XIRP2: variants seen among roughly 807,000 people sequenced by gnomAD.
XIRP2 encodes xin actin-binding repeat-containing protein 2.
Under a neutral mutation model 277.0 loss-of-function variants are expected in XIRP2, and 236 were observed. That is an observed-to-expected ratio of 0.85 (90% CI 0.77 to 0.95). The LOEUF is 0.95. Among genes scored for constraint, XIRP2 ranks in the 40% least tolerant of loss-of-function variants. The pLI is 0.00. For missense variants in XIRP2, 4,640 were observed against 4,157.5 expected, an observed-to-expected ratio of 1.12 and a Z score of -3.19; for synonymous variants, 1,490 against 1,416.5, an observed-to-expected ratio of 1.05 and a Z score of -1.17.
chr2:166,943,002 A>T (rs1185747290), intron 2 of XIRP2, among the ~76,000 whole-genome samples: 4 of 152,284 alleles, frequency 2.6e-5, no homozygotes, highest in Non-Finnish European at 4.4e-5. Flanking sequence ...ATAAAATTAA[A>T]TCCCACTTTC....
In XIRP2 at chr2:167,045,674, C is replaced by G. The variant is rs143290204; in HGVS notation, c.409-90235C>G. ...ATCATTAGAGAAATGCAAATCAAAA[C>G]CACAATGAGATACCATCCCACACCA... On this transcript the variant is annotated intron_variant, in intron 2 of 10. Coordinates refer to ENST00000409195, the MANE Select transcript of XIRP2 (RefSeq NM_152381.6). Among the ~76,000 whole-genome samples the G allele has an allele frequency of 1.6e-4, 25 of 152,122 alleles. No individual in the cohort carries two copies. In the East Asian group the frequency reaches 4.8e-3, roughly 29 times the overall value.
At chr2:167,025,978 G>A (rs181069891) in intron 2 of XIRP2, among the ~76,000 whole-genome samples, 275 of 152,114 alleles carry the variant, frequency 1.8e-3, no homozygotes, top group Non-Finnish European at 2.1e-3. Flanking sequence ...GGTCTGCTTG[G>A]TGCAAAACTG....
intron 2 of XIRP2, among the ~76,000 whole-genome samples, chr2:166,986,936 A>G (rs989667291): frequency 6.6e-6 from 1 of 152,220 alleles, no homozygotes; most frequent in Non-Finnish European, 1.5e-5. Context: ...GAAATATATT[A>G]TCCAAAATAC....
At position 167,251,401 on chromosome 2, in the gene XIRP2, T is replaced by C. The variant is rs1438657892; in HGVS notation, c.10009T>C (p.Phe3337Leu). The change falls in exon 9 of 11, where the codon TTC (phenylalanine) becomes CTC (leucine). Residue 3337 changes from phenylalanine to leucine, a missense_variant. Physicochemically the swap from Phe to Leu is conservative, Grantham distance 22. Coordinates refer to ENST00000409195, the MANE Select transcript of XIRP2 (RefSeq NM_152381.6). ...CCCTGAAAATGAAATAAACAGATGG[T>C]TCAGGGAATTTGAGCATGGCCCAGT... Reference protein sequence around the residue: ...NDPENEINRWFREFEHGPVSE... With the variant: ...NDPENEINRWLREFEHGPVSE... The C allele has an allele frequency of 1.8e-5, 29 of 1,613,434 alleles. No individual in the cohort carries two copies. The highest frequency in any genetic ancestry group is 2.5e-5 in the Non-Finnish European group (29 of 1,179,658).
chr2:167,170,908 T>C (rs1414382420), intron 3 of XIRP2, among the ~76,000 whole-genome samples: 2 of 145,240 alleles, frequency 1.4e-5, no homozygotes, highest in Non-Finnish European at 3.0e-5. Context: ...TTTTTTTTTT[T>C]TTTTTTTTTG....
chr2:167,115,660 C>CT (rs1402653717), intron 2 of XIRP2, among the ~76,000 whole-genome samples: 1 of 152,074 alleles, frequency 6.6e-6, no homozygotes, highest in Non-Finnish European at 1.5e-5. Flanking sequence ...TCTCACATTG[C>CT]TTTTTTTGGA....
chr2:167,201,933 T>A (rs115206594), intron 3 of XIRP2, among the ~76,000 whole-genome samples: 1,590 of 152,290 alleles, frequency 0.01, 27 homozygotes, highest in African/African-American at 0.037. Context: ...TTCAGCTACT[T>A]GCTATATGAT....
intron 2 of XIRP2, among the ~76,000 whole-genome samples, chr2:166,934,414 G>T (rs956949166): frequency 1.3e-5 from 2 of 152,040 alleles, no homozygotes; most frequent in African/African-American, 2.4e-5. Context: ...GGGAACTTTG[G>T]ACATGGCTCT....
At chr2:166,910,027 A>G (rs188644039) in intron 2 of XIRP2, among the ~76,000 whole-genome samples, 2 of 152,282 alleles carry the variant, frequency 1.3e-5, no homozygotes, top group African/African-American at 4.8e-5. Context: ...TATTTTACTG[A>G]GGATTTAGGC....
At chr2:167,037,250 A>G (rs949687877) in intron 2 of XIRP2, among the ~76,000 whole-genome samples, 2 of 152,178 alleles carry the variant, frequency 1.3e-5, no homozygotes, top group East Asian at 3.9e-4. Flanking sequence ...GCTGCAGAGT[A>G]CACATTCTTC....
chr2:167,070,525 T>C (rs1689411313), intron 2 of XIRP2, among the ~76,000 whole-genome samples: 1 of 152,212 alleles, frequency 6.6e-6, no homozygotes, highest in Non-Finnish European at 1.5e-5. Context: ...ATTTTTCATG[T>C]ATTGTAAATT....
At chr2:166,912,620 T>C (rs1684741843) in intron 2 of XIRP2, among the ~76,000 whole-genome samples, 1 of 152,212 alleles carries the variant, frequency 6.6e-6, no homozygotes, top group Non-Finnish European at 1.5e-5. Flanking sequence ...TCAAATTCAT[T>C]CTCCATCCAG....
chr2:167,164,241 C>T (rs1013066152), intron 3 of XIRP2, among the ~76,000 whole-genome samples: 1 of 151,680 alleles, frequency 6.6e-6, no homozygotes, highest in Non-Finnish European at 1.5e-5. Flanking sequence ...GAGGTCGAGA[C>T]CATCCTGGCT....
chr2:166,892,893 T>A (rs903341365), intron 1 of XIRP2, among the ~76,000 whole-genome samples: 2 of 148,784 alleles, frequency 1.3e-5, no homozygotes, highest in African/African-American at 2.5e-5. Context: ...TGTATATATG[T>A]GTATATATGT....
intron 3 of XIRP2, among the ~76,000 whole-genome samples, chr2:167,142,026 C>T (rs1018295443): frequency 3.3e-5 from 5 of 152,202 alleles, no homozygotes; most frequent in East Asian, 1.9e-4. Context: ...GGAAACATAC[C>T]GCAGTAAAAT....
chr2:167,022,000 T>G (rs933772268), intron 2 of XIRP2, among the ~76,000 whole-genome samples: 3 of 152,108 alleles, frequency 2.0e-5, no homozygotes, highest in African/African-American at 7.2e-5. Context: ...AAAGTAAAGA[T>G]TAAACTATGA....
chr2:166,975,223 A>G (rs903976887), intron 2 of XIRP2, among the ~76,000 whole-genome samples: 8 of 152,200 alleles, frequency 5.3e-5, no homozygotes, highest in Non-Finnish European at 7.4e-5. Context: ...CTTTCTTTCA[A>G]AAATTGGCAG....
intron 3 of XIRP2, among the ~76,000 whole-genome samples, chr2:167,163,111 G>GGA (rs1692418549): frequency 6.6e-6 from 1 of 152,062 alleles, no homozygotes; most frequent in Non-Finnish European, 1.5e-5. Flanking sequence ...CTAGTTTCAG[G>GGA]CTATTAAGAC....
intron 2 of XIRP2, among the ~76,000 whole-genome samples, chr2:166,978,277 T>C (rs1686768256): frequency 6.6e-6 from 1 of 152,184 alleles, no homozygotes; most frequent in Non-Finnish European, 1.5e-5. Context: ...ATTTTTATTA[T>C]AGATCTACAA....
Sources: gnomAD v4.1 joint callset for allele counts (sites outside exome capture counted in the v4.1 genomes callset) on GRCh38, gnomAD v4.1.1 for gene constraint, MANE v1.5 for transcripts, NCBI Gene and HGNC (gene_info 2026-07-23, HGNC 2026-07-21) for gene names.